The following ADAM22 variants were observed in gnomAD, a reference collection of about 807,000 sequenced individuals.
ADAM22 encodes ADAM metallopeptidase domain 22.
Under a neutral mutation model 144.6 loss-of-function variants are expected in ADAM22, and 65 were observed. The observed-to-expected ratio is 0.45, with a 90% CI of 0.37 to 0.55. The LOEUF (loss-of-function observed/expected upper bound fraction) is 0.55. ADAM22 is among the 20% of genes least tolerant of loss of function. The pLI, the probability that ADAM22 is intolerant of heterozygous loss-of-function variation, is 0.00. For synonymous variants in ADAM22, 391 were observed against 412.6 expected (o/e 0.95, Z 0.63); for missense variants, 974 against 1,184.9 (o/e 0.82, Z 2.61).
chr7:88,006,666 A>G (rs1341895276), intron 3 of ADAM22, among the ~76,000 whole-genome samples: 2 of 148,066 alleles, frequency 1.4e-5, no homozygotes, highest in Non-Finnish European at 3.0e-5. Flanking sequence ...GATTATCTCA[A>G]TAGATGCAGA....
At chr7:88,108,737 T>TAAAG (rs146566493) in intron 5 of ADAM22, among the ~76,000 whole-genome samples, 312 of 148,748 alleles carry the variant, frequency 2.1e-3, no homozygotes, top group African/African-American at 4.8e-3. Flanking sequence ...TCAAAAAAAA[T>TAAAG]AAAGAAAGAA....
At chr7:88,019,134 A>T (rs1797182344) in intron 3 of ADAM22, among the ~76,000 whole-genome samples, 1 of 152,120 alleles carries the variant, frequency 6.6e-6, no homozygotes, top group African/African-American at 2.4e-5. Context: ...ACTTGCAAGC[A>T]ATTTAGCACT....
intron 2 of ADAM22, among the ~76,000 whole-genome samples, chr7:87,957,180 C>G (rs1846989767): frequency 6.6e-6 from 1 of 152,110 alleles, no homozygotes; most frequent in Admixed American, 6.5e-5. Flanking sequence ...CATGTGCCTC[C>G]TTGTATGTTC....
rs576566074 is a variant in ADAM22, at chr7:88,034,247, T to G, written c.324-41379T>G. ...TATTCAGGGCCCAAAGGCTCTATAT[T>G]TAGCAGGTGATGAATCCTGCCAGAA... On this transcript the variant is annotated intron_variant, in intron 3 of 31. Coordinates refer to ENST00000413139, the MANE Select transcript of ADAM22 (RefSeq NM_001324418.2). Among the ~76,000 whole-genome samples, 5 of 152,268 alleles carry G rather than the reference T, an allele frequency of 3.3e-5. No individual in the cohort carries two copies. In the South Asian group the frequency reaches 1.0e-3, roughly 32 times the overall value.
At chr7:88,131,171 C>A in intron 10 of ADAM22, 98 bp from the exon 11 acceptor site, 1 of 1,022,124 alleles carries the variant, frequency 9.8e-7, no homozygotes, top group South Asian at 1.7e-5. Flanking sequence ...AACTAAAACT[C>A]AAAGAAGTTT....
chr7:88,145,167 G>A lies in ADAM22; in HGVS notation c.1363G>A (p.Gly455Arg), dbSNP rs554964615. ...PECGNGFIET[G>R]EECDCGTPAE... ...GTGTGGCAATGGCTTCATTGAAACT[G>A]GAGAGGAGTGTGATTGTGGAACCCC... The change falls in exon 16 of 32, where the codon GGA becomes AGA. Residue 455 changes from glycine to arginine, a missense_variant. Around this residue, in one of 2 missense-constraint regions of ADAM22, gnomAD observed 734 missense variants for 950.6 expected, o/e 0.77. Transcript: ENST00000413139. 1 of 1,613,666 alleles carries A rather than the reference G, an allele frequency of 6.2e-7. No homozygotes were observed. Among genetic ancestry groups the A allele is most frequent in the African/African-American group, 1.3e-5 (1 of 74,846 alleles).
At position 88,128,664 on chromosome 7, in the gene ADAM22, T is replaced by C. The variant is rs751008329; in HGVS notation, c.741T>C (p.Asn247=). 6 of 1,611,824 alleles carry C rather than the reference T, an allele frequency of 3.7e-6. No homozygotes were observed. The highest frequency in any genetic ancestry group is 1.7e-5 in the Admixed American group (1 of 59,910). Reference sequence around the variant, plus strand: ...AATACATTGAACTGATGATTGTGAATGATCACCTTATGGTAGGATTTGCTG... The same window carrying C: ...AATACATTGAACTGATGATTGTGAACGATCACCTTATGGTAGGATTTGCTG... The part of the protein sequence containing the change: ...ETKYIELMIV[N]DHLMFKKHRL... Residue 247 remains asparagine (N), a synonymous_variant, in exon 9 of 32, where the codon AAT becomes AAC. Transcript: ENST00000413139.
intron 2 of ADAM22, among the ~76,000 whole-genome samples, chr7:87,947,092 C>G (rs1204307320): frequency 6.6e-6 from 1 of 152,014 alleles, no homozygotes; most frequent in Non-Finnish European, 1.5e-5. Flanking sequence ...GAAAAACTAA[C>G]TGCTGGGTAC....
chr7:88,007,943 A>G (rs910557807), intron 3 of ADAM22, among the ~76,000 whole-genome samples: 5 of 152,230 alleles, frequency 3.3e-5, no homozygotes, highest in African/African-American at 1.2e-4. Flanking sequence ...AAAAGAAACT[A>G]TCATCAGAGT....
intron 2 of ADAM22, among the ~76,000 whole-genome samples, chr7:87,945,303 G>T (rs1159413853): frequency 6.6e-6 from 1 of 152,076 alleles, no homozygotes; most frequent in Non-Finnish European, 1.5e-5. Context: ...TACTGAGATG[G>T]ATAATTTTGG....
intron 2 of ADAM22, among the ~76,000 whole-genome samples, chr7:87,950,931 T>C (rs1032602101): frequency 1.3e-5 from 2 of 152,182 alleles, no homozygotes; most frequent in East Asian, 1.9e-4. Context: ...GCTGCATAAA[T>C]GTCTTCTTTT....
intron 3 of ADAM22, among the ~76,000 whole-genome samples, chr7:88,026,758 TG>T (rs1460045163): frequency 5.9e-5 from 9 of 152,344 alleles, no homozygotes; most frequent in Admixed American, 2.0e-4. Flanking sequence ...TCCAGTACTA[TG>T]TTGAATAATA....
chr7:87,976,939 A>G (rs972915954), intron 2 of ADAM22, among the ~76,000 whole-genome samples: 14 of 151,366 alleles, frequency 9.2e-5, no homozygotes, highest in Middle Eastern at 3.4e-3. Context: ...AGCCAACTTT[A>G]GAAAGATCGG....
Position 88,200,147 on chromosome 7 carries a change from T to C in ADAM22, c.*3656T>C, listed in dbSNP as rs1273383583. ...CCTTCGGACCAGAAGATATATGGTA[T>C]TTTTATTCACTTTTTTCAGTGTTTT... is the stretch of plus-strand genomic sequence containing the variant. On this transcript the variant is annotated 3_prime_UTR_variant, in exon 32 of 32. Coordinates refer to ENST00000413139, the MANE Select transcript of ADAM22 (RefSeq NM_001324418.2). The C allele has an allele frequency of 6.6e-6, 1 of 152,214 alleles. No homozygotes were observed. The highest frequency in any genetic ancestry group is 3.2e-3 in the Middle Eastern group (1 of 316). The allele number at this position is 152,214 out of a possible 1,614,324, so 9.4% of individuals were successfully genotyped here.
chr7:88,172,319 T>A (rs1844530670), intron 26 of ADAM22, among the ~76,000 whole-genome samples: 1 of 151,916 alleles, frequency 6.6e-6, no homozygotes, highest in Non-Finnish European at 1.5e-5. Flanking sequence ...TTTTCCCACT[T>A]AAAAAGTTAC....
chr7:88,014,378 T>A (rs1296838205), intron 3 of ADAM22, among the ~76,000 whole-genome samples: 2 of 152,158 alleles, frequency 1.3e-5, no homozygotes, highest in African/African-American at 4.8e-5. Context: ...CTTTTTCATA[T>A]TTTATTGCAC....
At chr7:88,080,427 A>C (rs1346990148) in intron 4 of ADAM22, among the ~76,000 whole-genome samples, 1 of 152,192 alleles carries the variant, frequency 6.6e-6, no homozygotes, top group Non-Finnish European at 1.5e-5. Context: ...TAACATCACA[A>C]TTGGAAGAAC....
intron 2 of ADAM22, among the ~76,000 whole-genome samples, chr7:87,938,522 C>T (rs1414634586): frequency 6.6e-6 from 1 of 151,852 alleles, no homozygotes; most frequent in African/African-American, 2.4e-5. Context: ...CCTGGCCACC[C>T]ATAGATATGT....
chr7:87,969,178 A>T (rs1224183410), intron 2 of ADAM22, among the ~76,000 whole-genome samples: 1 of 152,210 alleles, frequency 6.6e-6, no homozygotes, highest in Non-Finnish European at 1.5e-5. Context: ...GAGAATAACC[A>T]GTTTAGAAGT....
Sources: gnomAD v4.1 joint callset for allele counts (sites outside exome capture counted in the v4.1 genomes callset) on GRCh38, gnomAD v4.1.1 for gene constraint, gnomAD v4.1.1 regional missense constraint, MANE v1.5 for transcripts, NCBI Gene and HGNC (gene_info 2026-07-23, HGNC 2026-07-21) for gene names.